BACH1: variants seen among roughly 807,000 people sequenced by gnomAD.
BACH1 encodes transcription regulator protein BACH1.
A neutral mutation model predicts 52.9 loss-of-function variants in BACH1; 35 were observed. The observed-to-expected ratio is 0.66, with a 90% confidence interval of 0.51 to 0.88. The LOEUF (loss-of-function observed/expected upper bound fraction) is 0.88. Ranked by LOEUF, BACH1 falls within the 40% of genes least tolerant of loss-of-function variation. BACH1 has a pLI of 0.00. For missense variants in BACH1, 808 were observed against 872.6 expected (o/e 0.93, Z 0.93); for synonymous variants, 321 against 319.6 (o/e 1.00, Z -0.05).
chr21:29,324,966 C>G (rs543382796), intron 2 of BACH1, among the ~76,000 whole-genome samples: 1 of 152,094 alleles, frequency 6.6e-6, no homozygotes, highest in Non-Finnish European at 1.5e-5. Flanking sequence ...CGGTGGCTCA[C>G]GCCTGTAATC....
chr21:29,305,533 A>G (rs1249661586), intron 1 of BACH1, among the ~76,000 whole-genome samples: 1 of 152,230 alleles, frequency 6.6e-6, no homozygotes, highest in Non-Finnish European at 1.5e-5. Context: ...AACAGTGGTC[A>G]CAAATAGCAG....
At chr21:29,359,242 T>C (rs1305138847) in intron 2 of BACH1, 2 of 152,040 alleles carry the variant, frequency 1.3e-5, no homozygotes, top group African/African-American at 2.4e-5. Context: ...TTTTATAATT[T>C]TTCCCTTAAT....
chr21:29,328,739 A>G (rs118063897), intron 3 of BACH1, among the ~76,000 whole-genome samples: 2 of 151,326 alleles, frequency 1.3e-5, no homozygotes, highest in African/African-American at 4.9e-5. Flanking sequence ...CCACCATTCT[A>G]CTCTCTGTTT....
At chr21:29,338,728 C>G (rs1277671393) in intron 4 of BACH1, among the ~76,000 whole-genome samples, 1 of 152,162 alleles carries the variant, frequency 6.6e-6, no homozygotes, top group East Asian at 1.9e-4. Context: ...AACATTAAAA[C>G]TATATTTTAA....
At chr21:29,323,222 G>T (rs964223172) in intron 2 of BACH1, among the ~76,000 whole-genome samples, 1 of 152,108 alleles carries the variant, frequency 6.6e-6, no homozygotes, top group African/African-American at 2.4e-5. Flanking sequence ...TATGTATGAA[G>T]GGGCGTTTGT....
intron 1 of BACH1, among the ~76,000 whole-genome samples, chr21:29,308,963 A>G (rs1163862576): frequency 1.3e-5 from 2 of 152,176 alleles, no homozygotes; most frequent in Non-Finnish European, 2.9e-5. Flanking sequence ...TTATTTAGAA[A>G]TTAATTCACC....
chr21:29,322,652 A>G (rs911167877), intron 2 of BACH1, among the ~76,000 whole-genome samples: 8 of 152,244 alleles, frequency 5.3e-5, no homozygotes, highest in Non-Finnish European at 1.2e-4. Flanking sequence ...TGAGTATGAC[A>G]GGTCTATGTG....
At chr21:29,329,787 T>C in intron 4 of BACH1, 94 bp downstream of exon 4, 1 of 915,022 alleles carries the variant, frequency 1.1e-6, no homozygotes, top group South Asian at 2.5e-5. Context: ...GATATAATGC[T>C]CAATTACTTA....
At chr21:29,300,947 C>T (rs2088596662) in intron 1 of BACH1, 1 of 152,234 alleles carries the variant, frequency 6.6e-6, no homozygotes, top group South Asian at 2.1e-4. Context: ...TATGACACCA[C>T]TGCCTTTACA....
chr21:29,326,857 G>T lies in BACH1; in HGVS notation c.1033G>T (p.Val345Leu). Residue 345 changes from valine (V) to leucine (L), a missense_variant, in exon 3 of 5, where the codon GTG becomes TTG. Physicochemically the swap from Val to Leu is conservative, Grantham distance 32. Coordinates refer to ENST00000286800, the MANE Select transcript of BACH1 (RefSeq NM_001186.4). ...TTTTGCTGGTATGCAAAACACAACA[G>T]TGTTAACAGAAAAGCCTTTGTCAGG... Reference protein sequence around the residue: ...LNFAGMQNTTVLTEKPLSGTD... With the variant: ...LNFAGMQNTTLLTEKPLSGTD... 1 of 1,614,184 alleles carries T rather than the reference G, an allele frequency of 6.2e-7. No homozygotes were observed. The highest frequency in any genetic ancestry group is 8.5e-7 in the Non-Finnish European group (1 of 1,180,040).
intron 1 of BACH1, among the ~76,000 whole-genome samples, chr21:29,312,840 A>G (rs960669016): frequency 1.3e-5 from 2 of 152,180 alleles, no homozygotes; most frequent in African/African-American, 2.4e-5. Context: ...CCCCAAATAG[A>G]TCTATATTTT....
chr21:29,327,915 A>G (rs2088934035), intron 3 of BACH1, among the ~76,000 whole-genome samples: 1 of 152,254 alleles, frequency 6.6e-6, no homozygotes, highest in South Asian at 2.1e-4. Context: ...TATATTAACC[A>G]TAAAGTAGGT....
Position 29,326,379 on chromosome 21 carries a change from A to G in BACH1, c.555A>G (p.Lys185=), listed in dbSNP as rs1241645727. The G allele has an allele frequency of 6.2e-7, 1 of 1,614,076 alleles. No individual in the cohort carries two copies. Among genetic ancestry groups the G allele is most frequent in the African/African-American group, 1.3e-5 (1 of 74,928 alleles). Residue 185 remains lysine (K), a synonymous_variant, in exon 3 of 5, where the codon AAA becomes AAG. Transcript: ENST00000286800. ...AAAATGTTCAGACTCCTCAGTGTAA[A>G]CTCCGCAGGTATCAAGGAAATGCAA... The part of the protein sequence containing the change: ...ENKNVQTPQC[K]LRRYQGNAKA...
In BACH1 at chr21:29,334,284, G is replaced by T. The variant is rs146333063; in HGVS notation, c.1776+4591G>T. ...GGGTAATTTTTTTATATTTTTAGTA[G>T]AGACGGGGTTTCACTGTGTTAGCCA... On this transcript the variant is annotated intron_variant, in intron 4 of 4. Transcript: ENST00000286800. Among the ~76,000 whole-genome samples the T allele has an allele frequency of 6.5e-3, 990 of 151,814 alleles. 6 individuals are homozygous for T. The highest frequency in any genetic ancestry group is 0.022 in the African/African-American group (918 of 41,388).
chr21:29,339,849 T>A (rs2089091128), intron 4 of BACH1, among the ~76,000 whole-genome samples: 1 of 152,156 alleles, frequency 6.6e-6, no homozygotes. Context: ...TTGGCTAAGC[T>A]GGTCTCGAAC....
chr21:29,306,513 T>G (rs2088659646), intron 1 of BACH1, among the ~76,000 whole-genome samples: 1 of 152,130 alleles, frequency 6.6e-6, no homozygotes, highest in Non-Finnish European at 1.5e-5. Context: ...TCAAGGGGAA[T>G]AGTACCGCTG....
intron 4 of BACH1, among the ~76,000 whole-genome samples, chr21:29,331,215 G>C (rs1474303429): frequency 6.6e-6 from 1 of 152,122 alleles, no homozygotes; most frequent in Non-Finnish European, 1.5e-5. Context: ...ACACTGTTAG[G>C]TTATGCGAAG....
chr21:29,345,493 A>T lies in BACH1; in HGVS notation c.*2660A>T, dbSNP rs985836291. 19 of 152,226 alleles carry T rather than the reference A, an allele frequency of 1.2e-4. No homozygotes were observed. The highest frequency in any genetic ancestry group is 4.6e-4 in the African/African-American group (19 of 41,466). 9.4% of individuals were successfully genotyped at this position (152,226 alleles called of 1,614,324 possible). A position where few individuals can be genotyped will look rare whatever the true frequency, so the allele number is the denominator to read the frequency against. On this transcript the variant is annotated 3_prime_UTR_variant, in exon 5 of 5. Transcript: ENST00000286800. Reference sequence around the variant, plus strand: ...GTTATGTTGAATTCAGTAAAATAACATTACCTTATTTTTTTTCTTATTCAA... The same window carrying T: ...GTTATGTTGAATTCAGTAAAATAACTTTACCTTATTTTTTTTCTTATTCAA...
intron 1 of BACH1, among the ~76,000 whole-genome samples, chr21:29,305,608 C>T (rs1190445065): frequency 6.6e-6 from 1 of 152,134 alleles, no homozygotes; most frequent in Non-Finnish European, 1.5e-5. Context: ...GAAACAGCCT[C>T]TTCTTTTTTG....
Sources: gnomAD v4.1 joint callset for allele counts (sites outside exome capture counted in the v4.1 genomes callset) on GRCh38, gnomAD v4.1.1 for gene constraint, MANE v1.5 for transcripts, NCBI Gene and HGNC (gene_info 2026-07-23, HGNC 2026-07-21) for gene names.